Variants in AQR observed in about 807,000 individuals in gnomAD.
AQR encodes the protein RNA helicase aquarius.
Under a neutral mutation model 180.5 loss-of-function variants are expected in AQR, and 61 were observed. That is an observed-to-expected ratio of 0.34 (90% confidence interval 0.28 to 0.42). The LOEUF (loss-of-function observed/expected upper bound fraction) is 0.42. AQR is among the 10% of genes least tolerant of loss of function. AQR has a pLI of 1.00. For missense variants in AQR, 1,281 were observed against 1,798.3 expected (o/e 0.71, Z 5.20); for synonymous variants, 551 against 588.8 (o/e 0.94, Z 0.93).
chr15:34,907,537 C>A (rs1595793414), intron 17 of AQR, among the ~76,000 whole-genome samples: 1 of 152,110 alleles, frequency 6.6e-6, no homozygotes, highest in Admixed American at 6.5e-5. Flanking sequence ...ACAACAAACA[C>A]AATGAAATCA....
At chr15:34,965,171 T>G (rs2050303891) in intron 1 of AQR, among the ~76,000 whole-genome samples, 1 of 152,220 alleles carries the variant, frequency 6.6e-6, no homozygotes, top group African/African-American at 2.4e-5. Flanking sequence ...CTCTTTATAA[T>G]CTTACCTTTC....
chr15:34,919,729 T>C (rs1319724761), intron 14 of AQR, among the ~76,000 whole-genome samples: 1 of 151,832 alleles, frequency 6.6e-6, no homozygotes, highest in Admixed American at 6.6e-5. Flanking sequence ...AAACTCTATC[T>C]TCTACTCAAA....
chr15:34,884,934 G>GA (rs1893035971), intron 25 of AQR, among the ~76,000 whole-genome samples, 200 bp from the exon 26 acceptor site: 2 of 152,180 alleles, frequency 1.3e-5, no homozygotes, highest in Non-Finnish European at 2.9e-5. Flanking sequence ...TGTCTTTGGA[G>GA]AAAAAAAGGC....
intron 4 of AQR, among the ~76,000 whole-genome samples, chr15:34,948,877 T>A (rs906670383): frequency 6.6e-6 from 1 of 151,648 alleles, no homozygotes; most frequent in Non-Finnish European, 1.5e-5. Flanking sequence ...AATTTATATA[T>A]AGAAAATACA....
Position 34,932,415 on chromosome 15 carries a change from C to T in AQR, c.803G>A (p.Arg268His), listed in dbSNP as rs372319866. The change falls in exon 11 of 35, where the codon CGC becomes CAC. Residue 268 changes from arginine to histidine, a missense_variant. Coordinates refer to ENST00000156471, the MANE Select transcript of AQR (RefSeq NM_014691.3). Reference protein sequence around the residue: ...IDLEALLPTRRWFNTILDDSH... With the variant: ...IDLEALLPTRHWFNTILDDSH... ...ATCATCCAGGATGGTATTAAACCAG[C>T]GCCTTGTGGGTAGCAGGGCCTGGGA... 3.1e-6 allele frequency: 5 copies of T among 1,599,036 alleles called. No homozygotes were observed. Among genetic ancestry groups the T allele is most frequent in the Non-Finnish European group, 3.4e-6 (4 of 1,175,470 alleles).
At chr15:34,878,462 T>C (rs552237892) in intron 27 of AQR, among the ~76,000 whole-genome samples, 38 of 151,492 alleles carry the variant, frequency 2.5e-4, no homozygotes, top group Admixed American at 5.9e-4. Flanking sequence ...TAAATCATTG[T>C]AAACATAGAA....
intron 9 of AQR, among the ~76,000 whole-genome samples, chr15:34,937,492 A>T (rs2140495116): frequency 6.6e-6 from 1 of 152,274 alleles, no homozygotes; most frequent in Middle Eastern, 3.4e-3. Flanking sequence ...GTGTTTTTTT[A>T]AAAGCTGTAC....
intron 23 of AQR, among the ~76,000 whole-genome samples, chr15:34,892,211 C>T (rs1242736005): frequency 6.6e-6 from 1 of 152,166 alleles, no homozygotes; most frequent in Non-Finnish European, 1.5e-5. Flanking sequence ...ATAAATGTTA[C>T]TTGTTCTTCC....
chr15:34,878,935 G>T (rs1011267776), intron 27 of AQR, among the ~76,000 whole-genome samples: 1 of 152,024 alleles, frequency 6.6e-6, no homozygotes, highest in African/African-American at 2.4e-5. Context: ...GGCTGAGGCA[G>T]GAGAATCACT....
chr15:34,914,406 G>A (rs967289865), intron 16 of AQR, among the ~76,000 whole-genome samples: 5 of 152,176 alleles, frequency 3.3e-5, no homozygotes, highest in African/African-American at 9.7e-5. Context: ...GCTAGCAGGT[G>A]GGGAGTGGAG....
chr15:34,906,636 C>G lies in AQR; in HGVS notation c.1740G>C (p.Arg580Ser). The change falls in exon 18 of 35, where the codon AGG (arginine) becomes AGC (serine). Residue 580 changes from arginine to serine, a missense_variant. Physicochemically the swap from Arg to Ser is moderately radical, Grantham distance 110. Coordinates refer to ENST00000156471, the MANE Select transcript of AQR (RefSeq NM_014691.3). ...GGCCAACCTGCTCAATAAAAGGTCT[C>G]CTCCGGTCAAACTTAGTGCCATAAG... is the stretch of plus-strand genomic sequence containing the variant. ...TKPYGTKFDRRRPFIEQVGLV... is the reference protein window; with the variant it reads ...TKPYGTKFDRSRPFIEQVGLV... 1 of 1,614,092 alleles carries G rather than the reference C, an allele frequency of 6.2e-7. No individual in the cohort carries two copies. Among genetic ancestry groups the G allele is most frequent in the Non-Finnish European group, 8.5e-7 (1 of 1,179,998 alleles).
rs954290241 is a variant in AQR at position 34,852,179 on chromosome 15, T to G, written c.*4613A>C. On this transcript the variant is annotated 3_prime_UTR_variant, in exon 35 of 35. Transcript: ENST00000156471. ...GAAATAGCTACCTAAGTTATGTTTT[T>G]TTTTTTTTTTTGAAGGAGTTTTTGC... is the stretch of plus-strand genomic sequence containing the variant. The G allele has an allele frequency of 2.6e-5, 4 of 152,012 alleles. No individual in the cohort carries two copies. Among genetic ancestry groups the G allele is most frequent in the East Asian group, 1.9e-4 (1 of 5,196 alleles). The allele number at this position is 152,012 out of a possible 1,614,324, so 9.4% of individuals were successfully genotyped here.
intron 7 of AQR, 64 bp downstream of exon 7, chr15:34,941,948 G>T: frequency 7.6e-7 from 1 of 1,312,586 alleles, no homozygotes; most frequent in East Asian, 2.5e-5. Context: ...TAAGGCTATA[G>T]ACTAAAACCA....
In AQR at chr15:34,946,465, C is replaced by T. The variant is rs577682019; in HGVS notation, c.330+1799G>A. ...CAGCCCCCCGCCCGGCCAGCCGCCC[C>T]GTCCAGGAGGGAGGTGGGGGGGTCA... is the stretch of plus-strand genomic sequence containing the variant. On this transcript the variant is annotated intron_variant, in intron 5 of 34. Transcript: ENST00000156471. 7.8e-4 allele frequency among the ~76,000 whole-genome samples: 111 copies of T among 141,746 alleles called. 2 individuals carry two copies. The highest frequency in any genetic ancestry group is 2.8e-3 in the African/African-American group (105 of 37,876). The allele number at this position is 141,746 out of a possible 152,430, so 93.0% of individuals were successfully genotyped here.
At chr15:34,958,203 T>C (rs969143450) in intron 3 of AQR, among the ~76,000 whole-genome samples, 3 of 151,220 alleles carry the variant, frequency 2.0e-5, no homozygotes, top group African/African-American at 7.3e-5. Flanking sequence ...CAAGACTCCG[T>C]CTCAAAAAAT....
At chr15:34,916,475 T>C (rs554464710) in intron 15 of AQR, among the ~76,000 whole-genome samples, 2 of 152,268 alleles carry the variant, frequency 1.3e-5, no homozygotes, top group African/African-American at 2.4e-5. Flanking sequence ...ACAACAAACA[T>C]TGATGTACAA....
chr15:34,873,002 T>C (rs554702704), intron 30 of AQR, among the ~76,000 whole-genome samples: 11 of 152,148 alleles, frequency 7.2e-5, no homozygotes, highest in Non-Finnish European at 1.2e-4. Flanking sequence ...ATACTGTAGA[T>C]ATACTTTGCA....
chr15:34,962,024 CTTTT>C (rs556539727), intron 2 of AQR, among the ~76,000 whole-genome samples: 1 of 139,090 alleles, frequency 7.2e-6, no homozygotes. Context: ...ACTATAATGT[CTTTT>C]TTTTTTTTTT....
chr15:34,949,190 C>G (rs1046479016), intron 4 of AQR, among the ~76,000 whole-genome samples: 16 of 150,690 alleles, frequency 1.1e-4, no homozygotes, highest in African/African-American at 3.9e-4. Flanking sequence ...GACGGGGTTT[C>G]TCCATGTTGG....
Sources: allele counts gnomAD v4.1 joint callset (sites outside exome capture counted in the v4.1 genomes callset), GRCh38; gene constraint gnomAD v4.1.1; transcripts MANE v1.5; gene names NCBI Gene and HGNC (gene_info 2026-07-23, HGNC 2026-07-21).